The following DPH6 variants were observed in gnomAD, a reference collection of about 807,000 sequenced individuals.
The protein encoded by DPH6 is diphthamine biosynthesis 6, also known as diphthine--ammonia ligase.
A neutral mutation model predicts 38.2 loss-of-function variants in DPH6; 33 were observed. That is an observed-to-expected ratio of 0.86 (90% CI 0.65 to 1.15). The LOEUF (loss-of-function observed/expected upper bound fraction) is 1.15, where lower values mean the gene tolerates loss of function less well. Among genes scored for constraint, DPH6 ranks in the 50% most tolerant of loss-of-function variants. The pLI, the probability that DPH6 is intolerant of heterozygous loss-of-function variation, is 0.00. For missense variants in DPH6, 325 were observed against 320.0 expected (o/e 1.02, Z -0.12); for synonymous variants, 108 against 103.0 (o/e 1.05, Z -0.30).
chr15:35,454,012 C>T (rs2053966745), intron 4 of DPH6, among the ~76,000 whole-genome samples: 1 of 151,608 alleles, frequency 6.6e-6, no homozygotes, highest in Admixed American at 6.6e-5. Flanking sequence ...TATAATTATG[C>T]CCAGAATCTC....
chr15:35,206,057 T>C, the DPH6 span, among the ~76,000 whole-genome samples: 1 of 152,102 alleles, frequency 6.6e-6, no homozygotes, highest in Non-Finnish European at 1.5e-5. Flanking sequence ...AAAGCAATGG[T>C]AGTAGAAGTT....
chr15:35,521,535 T>C, intron 3 of DPH6: 3 of 1,222,680 alleles, frequency 2.5e-6, no homozygotes, highest in Non-Finnish European at 2.0e-6. Context: ...GTGTTCAATT[T>C]TGAAGAAATC....
chr15:35,533,454 A>G (rs1027583652), intron 3 of DPH6, among the ~76,000 whole-genome samples: 15 of 152,118 alleles, frequency 9.9e-5, no homozygotes, highest in African/African-American at 3.6e-4. Flanking sequence ...TTAACCAAGA[A>G]GAATACAACT....
intron 3 of DPH6, among the ~76,000 whole-genome samples, chr15:35,280,883 C>T (rs2140435851): frequency 6.6e-6 from 1 of 152,226 alleles, no homozygotes; most frequent in Middle Eastern, 3.4e-3. Context: ...CATTGTTGGA[C>T]AGACAATTGA....
At chr15:35,506,887 G>A (rs2141207956) in intron 3 of DPH6, among the ~76,000 whole-genome samples, 1 of 152,006 alleles carries the variant, frequency 6.6e-6, no homozygotes, top group East Asian at 1.9e-4. Context: ...GTTTAACAAT[G>A]ACTTGTCTTT....
chr15:35,311,141 T>C (rs1221106056), intron 3 of DPH6, among the ~76,000 whole-genome samples: 2 of 151,924 alleles, frequency 1.3e-5, no homozygotes, highest in Non-Finnish European at 2.9e-5. Context: ...GGAGAATTAT[T>C]ATTGAGCGGA....
At chr15:35,454,894 T>C in intron 3 of DPH6, 74 bp from the exon 4 acceptor site, 4 of 1,112,632 alleles carry the variant, frequency 3.6e-6, no homozygotes, top group Non-Finnish European at 3.9e-6. Context: ...CTGAAAATTA[T>C]AAATGAACTG....
intron 3 of DPH6, among the ~76,000 whole-genome samples, chr15:35,336,458 A>G (rs62004417): frequency 0.36 from 55,102 of 151,954 alleles, 11,860 homozygotes; most frequent in African/African-American, 0.61. Flanking sequence ...CCAGTTGATC[A>G]AATCGGCTAC....
chr15:35,444,940 C>G (rs2053832748), intron 5 of DPH6, among the ~76,000 whole-genome samples: 1 of 152,146 alleles, frequency 6.6e-6, no homozygotes, highest in African/African-American at 2.4e-5. Flanking sequence ...ACTCATCAAG[C>G]AACAACATGG....
At chr15:35,190,840 G>A in the DPH6 span, among the ~76,000 whole-genome samples, 3 of 152,210 alleles carry the variant, frequency 2.0e-5, no homozygotes, top group South Asian at 2.1e-4. Context: ...AAACAAGATG[G>A]AGTCAGTTAG....
At chr15:35,241,649 T>C (rs1013601113) in intron 3 of DPH6, among the ~76,000 whole-genome samples, 1 of 141,572 alleles carries the variant, frequency 7.1e-6, no homozygotes, top group African/African-American at 2.6e-5. Context: ...CCTCTTGTAT[T>C]CCCCCACCTT....
At chr15:35,235,639 AGT>A (rs955026662) in intron 3 of DPH6, among the ~76,000 whole-genome samples, 1 of 152,216 alleles carries the variant, frequency 6.6e-6, no homozygotes, top group African/African-American at 2.4e-5. Context: ...TTCAGTTTTG[AGT>A]GTGTGTTTCC....
At chr15:35,261,870 A>G (rs1401776751) in intron 3 of DPH6, among the ~76,000 whole-genome samples, 1 of 152,158 alleles carries the variant, frequency 6.6e-6, no homozygotes, top group Non-Finnish European at 1.5e-5. Flanking sequence ...TGAATTACAA[A>G]AAAGAATGGA....
the DPH6 span, among the ~76,000 whole-genome samples, chr15:35,208,879 G>A: frequency 6.7e-4 from 102 of 152,088 alleles, no homozygotes; most frequent in African/African-American, 2.3e-3. Context: ...TGGGAGACTT[G>A]ATTCTAATAA....
chr15:35,214,767 C>T (rs1024767853), downstream of DPH6, among the ~76,000 whole-genome samples: 9 of 152,116 alleles, frequency 5.9e-5, no homozygotes, highest in Non-Finnish European at 1.0e-4. Flanking sequence ...CCACCACATC[C>T]GGCTAATTTT....
At chr15:35,397,866 TATAC>T (rs1555398537) in intron 6 of DPH6, among the ~76,000 whole-genome samples, 70 of 88,896 alleles carry the variant, frequency 7.9e-4, no homozygotes, top group African/African-American at 3.0e-3. Flanking sequence ...AATTTATATA[TATAC>T]ACACACACAC....
At chr15:35,227,174 CTTTTTTT>C (rs71415001) in intron 3 of DPH6, among the ~76,000 whole-genome samples, 20 of 77,034 alleles carry the variant, frequency 2.6e-4, no homozygotes, top group Middle Eastern at 7.9e-3. Flanking sequence ...ATAACATCTT[CTTTTTTT>C]TTTTTTTTTT....
intron 3 of DPH6, among the ~76,000 whole-genome samples, chr15:35,260,380 A>G (rs2051738530): frequency 6.6e-6 from 1 of 152,166 alleles, no homozygotes; most frequent in African/African-American, 2.4e-5. Flanking sequence ...TGTTCGGATT[A>G]CAGGCGTGAG....
intron 3 of DPH6, among the ~76,000 whole-genome samples, chr15:35,511,418 T>C (rs1176274871): frequency 6.6e-6 from 1 of 151,936 alleles, no homozygotes; most frequent in Non-Finnish European, 1.5e-5. Flanking sequence ...TGTGCATACA[T>C]ACACACATGT....
Sources: gnomAD v4.1 joint callset for allele counts (sites outside exome capture counted in the v4.1 genomes callset) on GRCh38, gnomAD v4.1.1 for gene constraint, MANE v1.5 for transcripts, NCBI Gene and HGNC (gene_info 2026-07-23, HGNC 2026-07-21) for gene names.